AGO3: variants seen among roughly 807,000 people sequenced by gnomAD.
AGO3 encodes argonaute RISC catalytic component 3, also known as protein argonaute-3.
A neutral mutation model predicts 105.5 loss-of-function variants in AGO3; 16 were observed. The ratio of observed to expected loss-of-function variants is 0.15; its 90% confidence interval spans 0.10 to 0.23. The LOEUF (loss-of-function observed/expected upper bound fraction) is 0.23, where lower values mean the gene tolerates loss of function less well. Ranked by LOEUF, AGO3 falls within the 10% of genes least tolerant of loss-of-function variation. The probability of loss-of-function intolerance (pLI) is 1.00; values close to 1 mark genes in which losing one functional copy is unlikely to be tolerated. For missense variants in AGO3, 534 were observed against 1,088.0 expected, an observed-to-expected ratio of 0.49 and a Z score of 7.16; for synonymous variants, 340 against 367.3, an observed-to-expected ratio of 0.93 and a Z score of 0.85.
At chr1:35,994,800 G>T (rs375204909) in intron 5 of AGO3, among the ~76,000 whole-genome samples, 99 of 152,328 alleles carry the variant, frequency 6.5e-4, no homozygotes, top group East Asian at 4.6e-3. Flanking sequence ...ATAAAGATGT[G>T]CATGGCCCCC....
intron 6 of AGO3, among the ~76,000 whole-genome samples, chr1:36,004,933 G>A (rs904761808): frequency 6.6e-6 from 1 of 152,004 alleles, no homozygotes; most frequent in Non-Finnish European, 1.5e-5. Context: ...TGTTTCATGT[G>A]TTGTTCTAGA....
At chr1:35,958,517 TG>T (rs1646616099) in intron 2 of AGO3, among the ~76,000 whole-genome samples, 1 of 151,998 alleles carries the variant, frequency 6.6e-6, no homozygotes, top group Non-Finnish European at 1.5e-5. Flanking sequence ...AAAAATTAGC[TG>T]GGCATGGTGG....
At chr1:35,971,583 G>C (rs1646872084) in intron 3 of AGO3, among the ~76,000 whole-genome samples, 1 of 151,432 alleles carries the variant, frequency 6.6e-6, no homozygotes, top group Non-Finnish European at 1.5e-5. Context: ...CCCATCCTTT[G>C]AAAGTAACTA....
chr1:35,948,298 A>C (rs1164368189), intron 2 of AGO3, among the ~76,000 whole-genome samples: 1 of 150,794 alleles, frequency 6.6e-6, no homozygotes. Context: ...GCTCACTGCA[A>C]CCTCTGCCTC....
At chr1:35,996,760 A>G (rs1442289789) in intron 5 of AGO3, among the ~76,000 whole-genome samples, 2 of 142,278 alleles carry the variant, frequency 1.4e-5, no homozygotes, top group Non-Finnish European at 3.1e-5. Flanking sequence ...GACGAGCAAA[A>G]CTCCATCTCA....
chr1:35,967,182 A>T (rs1646789063), intron 3 of AGO3, 107 bp downstream of exon 3: 1 of 1,329,254 alleles, frequency 7.5e-7, no homozygotes, highest in South Asian at 1.9e-5. Flanking sequence ...AATATTTATC[A>T]CTGATTGTTT....
At chr1:36,020,264 A>G (rs903889094) in intron 11 of AGO3, among the ~76,000 whole-genome samples, 5 of 152,234 alleles carry the variant, frequency 3.3e-5, no homozygotes, top group African/African-American at 1.2e-4. Context: ...ACTGTTTATT[A>G]GATGGGTTAT....
intron 12 of AGO3, among the ~76,000 whole-genome samples, chr1:36,029,297 A>G (rs966568995): frequency 2.6e-5 from 4 of 152,162 alleles, no homozygotes; most frequent in Non-Finnish European, 4.4e-5. Context: ...AACGGGGTAA[A>G]ATCATGTAAG....
intron 16 of AGO3, among the ~76,000 whole-genome samples, chr1:36,042,311 C>T (rs1477871079): frequency 6.6e-6 from 1 of 152,096 alleles, no homozygotes; most frequent in Non-Finnish European, 1.5e-5. Flanking sequence ...TCACAAACTC[C>T]TGGTTTCAAA....
In AGO3 at chr1:36,039,975, G is replaced by A. The variant is rs767922148; in HGVS notation, c.2028G>A (p.Gln676=). 7 of 1,611,296 alleles carry A rather than the reference G, an allele frequency of 4.3e-6. No homozygotes were observed. The highest frequency in any genetic ancestry group is 1.3e-5 in the African/African-American group (1 of 74,904). The change falls in exon 15 of 19, where the codon CAG becomes CAA. Residue 676 remains glutamine, a synonymous_variant. Coordinates refer to ENST00000373191, the MANE Select transcript of AGO3 (RefSeq NM_024852.4). ...ATCGGGATGGTGTTTCAGAGGGGCA[G>A]TTTAGGCAGGTTGGTTACCTAGAAT... ...IFYRDGVSEG[Q]FRQVLYYELL...
At chr1:35,950,650 G>A (rs932953202) in intron 2 of AGO3, among the ~76,000 whole-genome samples, 5 of 152,050 alleles carry the variant, frequency 3.3e-5, no homozygotes, top group African/African-American at 1.2e-4. Flanking sequence ...TGTATGTTAA[G>A]TATATTTCAA....
intron 4 of AGO3, among the ~76,000 whole-genome samples, chr1:35,972,911 G>A (rs977105503): frequency 7.1e-6 from 1 of 139,908 alleles, no homozygotes; most frequent in Admixed American, 7.5e-5. Flanking sequence ...TGCCCAGGCT[G>A]GTTTCAAACT....
At chr1:36,041,072 CAAAA>C (rs35842002) in intron 16 of AGO3, among the ~76,000 whole-genome samples, 1 of 33,214 alleles carries the variant, frequency 3.0e-5, no homozygotes, top group Non-Finnish European at 6.8e-5. Context: ...AACTCCATCT[CAAAA>C]AAAAAAAAAA....
At chr1:35,958,511 A>G (rs751994715) in intron 2 of AGO3, among the ~76,000 whole-genome samples, 5 of 152,196 alleles carry the variant, frequency 3.3e-5, no homozygotes, top group Non-Finnish European at 7.3e-5. Context: ...AAATACAAAA[A>G]TTAGCTGGGC....
At chr1:36,046,034 A>G (rs1642455241) in intron 17 of AGO3, among the ~76,000 whole-genome samples, 1 of 152,216 alleles carries the variant, frequency 6.6e-6, no homozygotes, top group Non-Finnish European at 1.5e-5. Context: ...TGCAGTGAAC[A>G]GATAAGCAAG....
intron 10 of AGO3, 27 bp downstream of exon 10, chr1:36,013,779 C>T: frequency 1.2e-6 from 2 of 1,611,136 alleles, no homozygotes; most frequent in African/African-American, 2.7e-5. Context: ...ATGTTTTAAT[C>T]ATACACATAT....
At chr1:35,931,501 G>A (rs551450399) in intron 1 of AGO3, 56 bp downstream of exon 1, 2 of 1,388,174 alleles carry the variant, frequency 1.4e-6, no homozygotes, top group East Asian at 2.9e-5. Flanking sequence ...TGTCCTCTGA[G>A]CATCCCTGCT....
intron 5 of AGO3, among the ~76,000 whole-genome samples, chr1:35,992,885 G>T (rs935188187): frequency 1.3e-5 from 2 of 152,114 alleles, no homozygotes; most frequent in Non-Finnish European, 2.9e-5. Flanking sequence ...GGCCTGGGGG[G>T]ATTCACTTCC....
At chr1:35,933,123 G>A (rs1646085039) in intron 1 of AGO3, among the ~76,000 whole-genome samples, 1 of 152,054 alleles carries the variant, frequency 6.6e-6, no homozygotes, top group African/African-American at 2.4e-5. Flanking sequence ...TCACATTTGG[G>A]GAAGTGTGTA....
Sources: allele counts gnomAD v4.1 joint callset (sites outside exome capture counted in the v4.1 genomes callset), GRCh38; gene constraint gnomAD v4.1.1; transcripts MANE v1.5; gene names NCBI Gene and HGNC (gene_info 2026-07-23, HGNC 2026-07-21).